Variants in ABCA12 observed in about 807,000 individuals in gnomAD.
ABCA12 encodes the protein ATP binding cassette subfamily A member 12, also known as glucosylceramide transporter ABCA12.
In ABCA12, 156 loss-of-function variants were observed where a neutral mutation model predicts 293.5. That is an observed-to-expected ratio of 0.53 (90% CI 0.47 to 0.61). The LOEUF (loss-of-function observed/expected upper bound fraction) is 0.61. ABCA12 is among the 20% of genes least tolerant of loss of function. ABCA12 has a pLI of 0.00. For missense variants in ABCA12, 2,797 were observed against 3,090.2 expected (o/e 0.91, Z 2.25); for synonymous variants, 1,063 against 1,108.0 (o/e 0.96, Z 0.81).
At chr2:215,124,974 T>G (rs766824613) in intron 1 of ABCA12, among the ~76,000 whole-genome samples, 1 of 152,220 alleles carries the variant, frequency 6.6e-6, no homozygotes, top group Admixed American at 6.5e-5. Flanking sequence ...CTTGAGTTGA[T>G]TTTTGTATAA....
intron 1 of ABCA12, among the ~76,000 whole-genome samples, chr2:215,130,744 C>T (rs1009735096): frequency 3.2e-4 from 48 of 152,058 alleles, no homozygotes; most frequent in Admixed American, 1.0e-3. Flanking sequence ...CTTTCTCTTG[C>T]CTGATAGCTC....
intron 2 of ABCA12, among the ~76,000 whole-genome samples, chr2:215,103,030 G>A (rs1702389403): frequency 6.6e-6 from 1 of 151,982 alleles, no homozygotes; most frequent in Non-Finnish European, 1.5e-5. Flanking sequence ...ACTTGCCTTG[G>A]TCCCAGGCAG....
chr2:215,062,076 T>C (rs1701538922), intron 3 of ABCA12, among the ~76,000 whole-genome samples: 1 of 152,070 alleles, frequency 6.6e-6, no homozygotes, highest in Admixed American at 6.6e-5. Context: ...TGTGAAGATT[T>C]ACCTGATTAC....
In ABCA12 at chr2:215,037,491, A is replaced by G. The variant is rs541355598; in HGVS notation, c.873-426T>C. Among the ~76,000 whole-genome samples, 38 of 152,336 alleles carry G rather than the reference A, an allele frequency of 2.5e-4. No homozygotes were observed. The South Asian group carries it at 7.7e-3, about 31-fold the overall frequency. The stretch of plus-strand genomic sequence containing the variant: ...GGATCTAGTTTCAGGAATAATTATT[A>G]TTTAAGCATTTATAATATTTATCTT... On this transcript the variant is annotated intron_variant, in intron 7 of 52. Coordinates refer to ENST00000272895, the MANE Select transcript of ABCA12 (RefSeq NM_173076.3).
In ABCA12 at chr2:215,111,608, G is replaced by C. The variant is rs764100720; in HGVS notation, c.152C>G (p.Ala51Gly). ...AITRTKFPPT[A>G]KPTCYLAPRN... ...TGTCATTTACTTACAAGTTGGTTTT[G>C]CAGTTGGAGGAAATTTGGTCCGAGT... The change falls in exon 2 of 53, where the codon GCA becomes GGA. Residue 51 changes from alanine (A) to glycine (G), a missense_variant. Ala to Gly is a moderately conservative substitution (Grantham distance 60, BLOSUM62 0). Around this residue, in one of 3 missense-constraint regions of ABCA12, gnomAD observed 656 missense variants for 638.2 expected, o/e 1.03. Coordinates refer to ENST00000272895, the MANE Select transcript of ABCA12 (RefSeq NM_173076.3). The C allele has an allele frequency of 3.7e-6, 6 of 1,610,104 alleles. No individual in the cohort carries two copies. In the South Asian group the frequency reaches 6.6e-5, roughly 18 times the overall value.
chr2:215,069,796 C>G (rs1701702171), intron 2 of ABCA12, among the ~76,000 whole-genome samples: 1 of 152,082 alleles, frequency 6.6e-6, no homozygotes, highest in Non-Finnish European at 1.5e-5. Flanking sequence ...GGGCTGAAAA[C>G]CAATATGACT....
intron 1 of ABCA12, among the ~76,000 whole-genome samples, chr2:215,128,055 G>T (rs1031895755): frequency 6.6e-6 from 1 of 152,054 alleles, no homozygotes; most frequent in Non-Finnish European, 1.5e-5. Flanking sequence ...CATATATGAC[G>T]CTTTGTTTTG....
chr2:215,052,632 A>C (rs768409865), intron 4 of ABCA12, 48 bp from the exon 5 acceptor site: 12 of 1,357,206 alleles, frequency 8.8e-6, no homozygotes, highest in South Asian at 1.2e-5. Context: ...CACACACACA[A>C]ATGCACAGGA....
At chr2:215,084,090 G>A (rs1029645217) in intron 2 of ABCA12, among the ~76,000 whole-genome samples, 2 of 151,956 alleles carry the variant, frequency 1.3e-5, no homozygotes, top group East Asian at 1.9e-4. Flanking sequence ...TGATCCTCTC[G>A]TCTCAGCCTC....
At chr2:215,003,978 T>C (rs1700199420) in intron 20 of ABCA12, among the ~76,000 whole-genome samples, 1 of 152,176 alleles carries the variant, frequency 6.6e-6, no homozygotes, top group African/African-American at 2.4e-5. Flanking sequence ...TACATTATAA[T>C]TATTGAAACT....
chr2:214,981,953 TATTA>T (rs1559128620), intron 30 of ABCA12, among the ~76,000 whole-genome samples: 10 of 130,592 alleles, frequency 7.7e-5, no homozygotes, highest in African/African-American at 1.9e-4. Flanking sequence ...TTATTATTAT[TATTA>T]TTATTATTAT....
chr2:214,980,525 T>C lies in ABCA12; in HGVS notation c.4698A>G (p.Glu1566=), dbSNP rs1460189984. Reference sequence around the variant, plus strand: ...TGAGGTGATACCCATCGCCAAAGGCTTCCTTGAGGTAAAATGGGGACCCAC... The same window carrying C: ...TGAGGTGATACCCATCGCCAAAGGCCTCCTTGAGGTAAAATGGGGACCCAC... ...RCCGSPFYLK[E]AFGDGYHLTL... is the part of the protein sequence containing the mutation. The change falls in exon 31 of 53, where the codon GAA becomes GAG. Residue 1566 remains glutamate, a synonymous_variant. Coordinates refer to ENST00000272895, the MANE Select transcript of ABCA12 (RefSeq NM_173076.3). The C allele has an allele frequency of 6.2e-7, 1 of 1,613,906 alleles. No homozygotes were observed. Among genetic ancestry groups the C allele is most frequent in the Non-Finnish European group, 8.5e-7 (1 of 1,180,002 alleles).
intron 1 of ABCA12, among the ~76,000 whole-genome samples, chr2:215,134,548 G>A (rs1056794216): frequency 6.3e-5 from 7 of 111,766 alleles, no homozygotes; most frequent in Non-Finnish European, 1.1e-4. Flanking sequence ...ACATATATAC[G>A]TATATGTATA....
chr2:215,123,139 T>G (rs2105910134), intron 1 of ABCA12, among the ~76,000 whole-genome samples: 1 of 152,276 alleles, frequency 6.6e-6, no homozygotes, highest in African/African-American at 2.4e-5. Flanking sequence ...CTGTGTAGTA[T>G]TCCATGGTGC....
At chr2:215,061,403 G>T (rs187135958) in intron 3 of ABCA12, among the ~76,000 whole-genome samples, 160 of 152,108 alleles carry the variant, frequency 1.1e-3, no homozygotes, top group Non-Finnish European at 1.8e-3. Flanking sequence ...AAGAAACATG[G>T]CAGGCCTCTT....
At position 215,133,454 on chromosome 2, in the gene ABCA12, A is replaced by G. The variant is rs1248461449; in HGVS notation, c.69+4686T>C. Among the ~76,000 whole-genome samples the G allele has an allele frequency of 3.3e-5, 5 of 152,116 alleles. 1 individual carries two copies. The highest frequency in any genetic ancestry group is 3.4e-3 in the Middle Eastern group (1 of 292). On this transcript the variant is annotated intron_variant, in intron 1 of 52. Transcript: ENST00000272895. ...TCTCATACTTCTCATAGACTTCGTC[A>G]TCTTAATGGAAGACAAACTCTTATA...
At chr2:215,106,301 A>G (rs987459072) in intron 2 of ABCA12, among the ~76,000 whole-genome samples, 1 of 148,740 alleles carries the variant, frequency 6.7e-6, no homozygotes, top group Non-Finnish European at 1.5e-5. Flanking sequence ...TCCTTCTCAC[A>G]TTTTTTTTTT....
At chr2:215,004,579 G>T (rs1185089660) in intron 19 of ABCA12, among the ~76,000 whole-genome samples, 3 of 152,126 alleles carry the variant, frequency 2.0e-5, no homozygotes, top group African/African-American at 7.2e-5. Flanking sequence ...ATTTATATTC[G>T]ATTTAACAGG....
intron 37 of ABCA12, among the ~76,000 whole-genome samples, chr2:214,969,157 A>G (rs1699331904): frequency 6.6e-6 from 1 of 152,042 alleles, no homozygotes; most frequent in Non-Finnish European, 1.5e-5. Flanking sequence ...CTTTTAGGTA[A>G]TTAATATGGA....
Sources: allele counts gnomAD v4.1 joint callset (sites outside exome capture counted in the v4.1 genomes callset), GRCh38; gene constraint gnomAD v4.1.1; regional missense constraint gnomAD v4.1.1; transcripts MANE v1.5; gene names NCBI Gene and HGNC (gene_info 2026-07-23, HGNC 2026-07-21).